PRORP: variants seen among roughly 807,000 people sequenced by gnomAD.
PRORP encodes the protein mitochondrial ribonuclease P catalytic subunit.
Under a neutral mutation model 59.4 loss-of-function variants are expected in PRORP, and 51 were observed. The ratio of observed to expected loss-of-function variants is 0.86; its 90% CI spans 0.69 to 1.08. The LOEUF is 1.08. PRORP is among the 50% of genes least tolerant of loss of function. The pLI is 0.00. For missense variants in PRORP, 646 were observed against 690.3 expected (o/e 0.94, Z 0.72); for synonymous variants, 231 against 245.6 (o/e 0.94, Z 0.55).
At chr14:35,254,881 A>G (rs546077875) in intron 5 of PRORP, among the ~76,000 whole-genome samples, 11 of 152,080 alleles carry the variant, frequency 7.2e-5, no homozygotes, top group Admixed American at 2.0e-4. Flanking sequence ...CCTCAAATTC[A>G]GTGTGCTAAT....
intron 5 of PRORP, chr14:35,222,695 T>C (rs920524850): frequency 6.6e-6 from 1 of 152,240 alleles, no homozygotes; most frequent in Non-Finnish European, 1.5e-5. Flanking sequence ...TTCTTTGGTC[T>C]CTTCACCTAG....
intron 4 of PRORP, among the ~76,000 whole-genome samples, chr14:35,143,482 A>C (rs1283789466): frequency 1.4e-5 from 2 of 145,788 alleles, no homozygotes; most frequent in African/African-American, 4.9e-5. Flanking sequence ...TAATTTATTG[A>C]AAATAATATA....
chr14:35,217,122 T>G (rs1394686175), intron 5 of PRORP, among the ~76,000 whole-genome samples: 1 of 152,226 alleles, frequency 6.6e-6, no homozygotes, highest in East Asian at 1.9e-4. Context: ...AGATGACTTT[T>G]GAAGCACAAA....
intron 4 of PRORP, among the ~76,000 whole-genome samples, chr14:35,152,839 C>G (rs1029115703): frequency 8.0e-5 from 12 of 150,842 alleles, no homozygotes; most frequent in East Asian, 3.9e-4. Flanking sequence ...GGTGGGCGGC[C>G]GGACAGAGAC....
chr14:35,204,806 G>A (rs983797583), intron 5 of PRORP, among the ~76,000 whole-genome samples: 1 of 152,136 alleles, frequency 6.6e-6, no homozygotes, highest in Non-Finnish European at 1.5e-5. Flanking sequence ...GAAATATTAA[G>A]CCTTTATGGT....
chr14:35,247,102 T>C (rs1242233484), intron 5 of PRORP, among the ~76,000 whole-genome samples: 3 of 152,188 alleles, frequency 2.0e-5, no homozygotes, highest in African/African-American at 7.2e-5. Context: ...AGTTGGTACA[T>C]AGTAGAATTA....
chr14:35,190,125 G>A (rs556903566), intron 5 of PRORP, among the ~76,000 whole-genome samples: 29 of 146,948 alleles, frequency 2.0e-4, no homozygotes, highest in African/African-American at 7.1e-4. Flanking sequence ...AAGGCTGGGC[G>A]CAGTATCTCA....
intron 5 of PRORP, among the ~76,000 whole-genome samples, chr14:35,213,895 G>A (rs2049517114): frequency 6.6e-6 from 1 of 152,190 alleles, no homozygotes; most frequent in African/African-American, 2.4e-5. Flanking sequence ...GACAAGAAGT[G>A]CTGTTGGAAA....
chr14:35,232,882 C>T (rs1234846843), intron 5 of PRORP, among the ~76,000 whole-genome samples: 2 of 151,994 alleles, frequency 1.3e-5, no homozygotes, highest in East Asian at 3.9e-4. Flanking sequence ...ACCATGTTAG[C>T]CAGGATGGTC....
chr14:35,152,550 G>T (rs1341929036), intron 4 of PRORP, among the ~76,000 whole-genome samples: 6 of 145,364 alleles, frequency 4.1e-5, no homozygotes, highest in Non-Finnish European at 7.9e-5. Flanking sequence ...GCAGCGGCCG[G>T]GTGGAGGCGC....
At chr14:35,182,726 T>G (rs2048645796) in intron 5 of PRORP, among the ~76,000 whole-genome samples, 2 of 152,190 alleles carry the variant, frequency 1.3e-5, no homozygotes. Context: ...ATTAAAATAT[T>G]TATCTTCCAG....
intron 5 of PRORP, among the ~76,000 whole-genome samples, chr14:35,253,046 T>A (rs919211137): frequency 2.0e-5 from 3 of 152,144 alleles, no homozygotes; most frequent in Non-Finnish European, 4.4e-5. Context: ...TGAGAAACTT[T>A]CTGCTGGTCA....
intron 4 of PRORP, chr14:35,158,100 C>CT (rs542590849): frequency 0.011 from 2,659 of 241,776 alleles, no homozygotes; most frequent in East Asian, 0.017. Flanking sequence ...AGTTTTTGAA[C>CT]TTTTTTTTTT....
chr14:35,144,682 T>C (rs1434325751), intron 4 of PRORP, among the ~76,000 whole-genome samples: 4 of 146,050 alleles, frequency 2.7e-5, no homozygotes, highest in Non-Finnish European at 4.6e-5. Context: ...AACTCTACTG[T>C]ACACTTGTGA....
In PRORP at chr14:35,252,279, C is replaced by T. The variant is rs114843339; in HGVS notation, c.1276-14448C>T. 5.3e-3 allele frequency among the ~76,000 whole-genome samples: 813 copies of T among 152,028 alleles called. 8 individuals carry two copies. Among genetic ancestry groups the T allele is most frequent in the African/African-American group, 0.018 (765 of 41,448 alleles). On this transcript the variant is annotated intron_variant, in intron 5 of 7. Transcript: ENST00000534898. ...ATCTCTAAAAAAGAAAAAAATTAGACGGGTGTAGGGGCACATGCCTGTGGT... is the reference window on the plus strand; with the variant it reads ...ATCTCTAAAAAAGAAAAAAATTAGATGGGTGTAGGGGCACATGCCTGTGGT...
intron 4 of PRORP, among the ~76,000 whole-genome samples, chr14:35,172,237 C>T (rs979082132): frequency 4.6e-5 from 7 of 151,472 alleles, no homozygotes; most frequent in African/African-American, 1.5e-4. Context: ...TTAGTAGAGA[C>T]GGGGTTTCAC....
intron 4 of PRORP, among the ~76,000 whole-genome samples, chr14:35,134,903 C>T (rs1213347419): frequency 2.0e-5 from 3 of 152,198 alleles, no homozygotes; most frequent in African/African-American, 2.4e-5. Flanking sequence ...AATTTATTTA[C>T]GGGCCTGGAG....
intron 4 of PRORP, among the ~76,000 whole-genome samples, chr14:35,133,250 A>G (rs2047295931): frequency 1.3e-5 from 2 of 152,176 alleles, no homozygotes; most frequent in Non-Finnish European, 1.5e-5. Flanking sequence ...GCCTGTCTTC[A>G]ATCTCACTAA....
At chr14:35,154,850 G>C (rs1278143208) in intron 4 of PRORP, among the ~76,000 whole-genome samples, 2 of 152,156 alleles carry the variant, frequency 1.3e-5, no homozygotes, top group African/African-American at 4.8e-5. Context: ...GAGTTATTAA[G>C]ACATTTTTGT....
Sources: allele counts gnomAD v4.1 joint callset (sites outside exome capture counted in the v4.1 genomes callset), GRCh38; gene constraint gnomAD v4.1.1; transcripts MANE v1.5; gene names NCBI Gene and HGNC (gene_info 2026-07-23, HGNC 2026-07-21).